The following ENTPD6 variants were observed in gnomAD, a reference collection of about 807,000 sequenced individuals.
ENTPD6 encodes the protein CD39 antigen-like 2.
A neutral mutation model predicts 61.5 loss-of-function variants in ENTPD6; 46 were observed. The ratio of observed to expected loss-of-function variants is 0.75; its 90% CI spans 0.59 to 0.96. The LOEUF (loss-of-function observed/expected upper bound fraction) is 0.96, where lower values mean the gene tolerates loss of function less well. Ranked by LOEUF, ENTPD6 falls within the 40% of genes least tolerant of loss-of-function variation. The pLI is 0.00. For synonymous variants in ENTPD6, 252 were observed against 255.5 expected (o/e 0.99, Z 0.13); for missense variants, 612 against 629.0 (o/e 0.97, Z 0.29).
intron 11 of ENTPD6, chr20:25,221,695 A>T (rs2123292667): frequency 2.8e-6 from 1 of 360,364 alleles, no homozygotes; most frequent in Non-Finnish European, 5.4e-6. Context: ...GAATAGAGGG[A>T]GGGTCTGCTT....
rs187606883 is a variant in ENTPD6 at position 25,222,792 on chromosome 20, T to A, written c.1046-46T>A. Reference sequence around the variant, plus strand: ...AGGGGCCCCAAGCAGCTGTGAGGCCTGGGTGCTCGGAGCCCACTGACCGCT... The same window carrying A: ...AGGGGCCCCAAGCAGCTGTGAGGCCAGGGTGCTCGGAGCCCACTGACCGCT... On this transcript the variant is annotated intron_variant, in intron 11 of 14. Coordinates refer to ENST00000376652, the MANE Select transcript of ENTPD6 (RefSeq NM_001247.5). 913 of 1,604,538 alleles carry A rather than the reference T, an allele frequency of 5.7e-4. 1 individual carries two copies. Among genetic ancestry groups the A allele is most frequent in the Admixed American group, 2.2e-3 (129 of 59,506 alleles).
intron 3 of ENTPD6, among the ~76,000 whole-genome samples, chr20:25,209,392 G>C (rs1302332875): frequency 5.9e-5 from 9 of 151,732 alleles, no homozygotes; most frequent in Admixed American, 5.9e-4. Flanking sequence ...TTACAGGCGT[G>C]AGCCACCGTG....
Position 25,224,124 on chromosome 20 carries a change from G to A in ENTPD6, c.1210G>A (p.Val404Met), listed in dbSNP as rs1313958265. Residue 404 changes from valine (V) to methionine (M), a missense_variant, in exon 13 of 15, where the codon GTG (valine) becomes ATG (methionine). Physicochemically the swap from Val to Met is conservative, Grantham distance 21. Transcript: ENST00000376652. Reference protein sequence around the residue: ...LIDAEKGGSLVVGDFEIAAKY... With the variant: ...LIDAEKGGSLMVGDFEIAAKY... Reference sequence around the variant, plus strand: ...AGATGCGGAGAAGGGAGGCAGCCTGGTGGTGGGGGACTTCGAGATCGCAGC... The same window carrying A: ...AGATGCGGAGAAGGGAGGCAGCCTGATGGTGGGGGACTTCGAGATCGCAGC... 5.6e-6 allele frequency: 9 copies of A among 1,612,592 alleles called. No homozygotes were observed. The highest frequency in any genetic ancestry group is 1.7e-4 in the Middle Eastern group (1 of 6,052).
intron 1 of ENTPD6, among the ~76,000 whole-genome samples, chr20:25,204,486 A>C (rs1340852040): frequency 2.6e-5 from 4 of 151,976 alleles, no homozygotes; most frequent in East Asian, 1.9e-4. Context: ...ATATATATAT[A>C]TATCTTACTT....
chr20:25,195,903 G>T, intron 1 of ENTPD6, 36 bp downstream of exon 1: 1 of 1,228,106 alleles, frequency 8.1e-7, no homozygotes, highest in Non-Finnish European at 1.0e-6. Context: ...GGGGGCGGCC[G>T]GGGATCACCG....
intron 3 of ENTPD6, among the ~76,000 whole-genome samples, chr20:25,207,899 A>G (rs560834170): frequency 1.3e-5 from 2 of 152,294 alleles, no homozygotes; most frequent in East Asian, 1.9e-4. Flanking sequence ...TTCGTTGGCT[A>G]TGCTTCTAGG....
chr20:25,217,921 C>T (rs929890577), intron 9 of ENTPD6, among the ~76,000 whole-genome samples: 2 of 150,430 alleles, frequency 1.3e-5, no homozygotes, highest in African/African-American at 2.5e-5. Context: ...CTGTCCTCCT[C>T]CTTCATCCTT....
At position 25,227,686 on chromosome 20, in the gene ENTPD6, G is replaced by A. The variant is rs148659119; in HGVS notation, c.*2089G>A. 2.0e-5 allele frequency among the ~76,000 whole-genome samples: 3 copies of A among 152,300 alleles called. No homozygotes were observed. Among genetic ancestry groups the A allele is most frequent in the East Asian group, 3.9e-4 (2 of 5,188 alleles). On this transcript the variant is annotated 3_prime_UTR_variant, in exon 15 of 15. Transcript: ENST00000376652. ...CACGCCCCACATGCCACCCCAGCCCGCGTACCCCACATCACTTAGCACCCA... is the reference window on the plus strand; with the variant it reads ...CACGCCCCACATGCCACCCCAGCCCACGTACCCCACATCACTTAGCACCCA...
intron 7 of ENTPD6, among the ~76,000 whole-genome samples, chr20:25,216,003 T>G (rs576682810): frequency 6.6e-6 from 1 of 152,350 alleles, no homozygotes; most frequent in East Asian, 1.9e-4. Context: ...ATCCTCTCAT[T>G]TCTAAGAGAA....
chr20:25,221,358 G>T (rs1339929541), intron 11 of ENTPD6, 25 bp downstream of exon 11: 1 of 1,571,106 alleles, frequency 6.4e-7, no homozygotes, highest in South Asian at 1.1e-5. Context: ...GCTGCCTGTT[G>T]GTTTCTGCGG....
intron 13 of ENTPD6, 39 bp downstream of exon 13, chr20:25,224,196 C>A: frequency 6.3e-7 from 1 of 1,585,104 alleles, no homozygotes; most frequent in Non-Finnish European, 8.6e-7. Context: ...CAGGGGCAGG[C>A]GCCCCGTGAT....
At chr20:25,224,932 G>A (rs1158719526) in intron 13 of ENTPD6, 1 of 523,362 alleles carries the variant, frequency 1.9e-6, no homozygotes, top group Non-Finnish European at 3.4e-6. Context: ...CAGGGTCTTA[G>A]ATGTAGAAAT....
rs776302964 is a variant in ENTPD6, at chr20:25,221,526, C to A, written c.1045+193C>A. 9 of 654,738 alleles carry A rather than the reference C, an allele frequency of 1.4e-5. No homozygotes were observed. In the South Asian group the frequency reaches 1.5e-4, roughly 11 times the overall value. The allele number at this position is 654,738 out of a possible 1,614,324, so 40.6% of individuals were successfully genotyped here. ...TGTCTGTGCTGAGAGCCAGCTCCTT[C>A]CCTCTGCCTCTGTTCAACATTCCCC... On this transcript the variant is annotated intron_variant, in intron 11 of 14. Coordinates refer to ENST00000376652, the MANE Select transcript of ENTPD6 (RefSeq NM_001247.5).
At chr20:25,215,511 A>T (rs1282538274) in intron 6 of ENTPD6, among the ~76,000 whole-genome samples, 165 bp from the exon 7 acceptor site, 2 of 152,214 alleles carry the variant, frequency 1.3e-5, no homozygotes, top group African/African-American at 4.8e-5. Flanking sequence ...TGCTGGATTC[A>T]TTTATGAGAA....
At chr20:25,212,420 G>A (rs889700935) in intron 4 of ENTPD6, among the ~76,000 whole-genome samples, 4 of 152,204 alleles carry the variant, frequency 2.6e-5, no homozygotes, top group Non-Finnish European at 5.9e-5. Flanking sequence ...GGGTCACCAG[G>A]CTGCAGTAGA....
In ENTPD6 at chr20:25,217,582, G is replaced by A. The variant is rs959121252; in HGVS notation, c.878+1G>A. The A allele has an allele frequency of 6.2e-7, 1 of 1,614,032 alleles. No homozygotes were observed. Among genetic ancestry groups the A allele is most frequent in the Non-Finnish European group, 8.5e-7 (1 of 1,179,942 alleles). ...GGACCTACAAGCTCTATTCCTACAG[G>A]TCTGCTTTCGGGAACAGGCGTGGGG... On this transcript the variant is annotated splice_donor_variant, in intron 9 of 14. Transcript: ENST00000376652. LOFTEE classifies it high-confidence loss of function.
chr20:25,200,792 TTTA>T (rs2090968201), intron 1 of ENTPD6, among the ~76,000 whole-genome samples: 1 of 152,202 alleles, frequency 6.6e-6, no homozygotes, highest in South Asian at 2.1e-4. Flanking sequence ...TCCTGTAATC[TTTA>T]TTATTTTCCT....
chr20:25,223,061 G>A (rs1465371452), intron 12 of ENTPD6, 83 bp downstream of exon 12: 1 of 1,504,394 alleles, frequency 6.6e-7, no homozygotes, highest in Non-Finnish European at 8.9e-7. Flanking sequence ...CGAGGCAGAG[G>A]GCTGGTGGCA....
chr20:25,223,011 TC>T, intron 12 of ENTPD6, 33 bp downstream of exon 12: 1 of 998,840 alleles, frequency 1.0e-6, no homozygotes, highest in Admixed American at 2.0e-5. Context: ...AGCAGGAAGG[TC>T]GGGGCGGCAG....
Sources: allele counts gnomAD v4.1 joint callset (sites outside exome capture counted in the v4.1 genomes callset), GRCh38; gene constraint gnomAD v4.1.1; transcripts MANE v1.5; gene names NCBI Gene and HGNC (gene_info 2026-07-23, HGNC 2026-07-21).